The following PLCE1 variants were observed in gnomAD, a reference collection of about 807,000 sequenced individuals.
PLCE1 encodes 1-phosphatidylinositol 4,5-bisphosphate phosphodiesterase epsilon-1.
PLCE1 carries 119 observed loss-of-function variants against 242.8 expected under a neutral mutation model. The ratio of observed to expected loss-of-function variants is 0.49; its 90% confidence interval spans 0.42 to 0.57. PLCE1 has a LOEUF of 0.57. PLCE1 is among the 20% of genes least tolerant of loss of function. The probability of loss-of-function intolerance (pLI) is 0.00; values close to 1 mark genes in which losing one functional copy is unlikely to be tolerated. For synonymous variants in PLCE1, 945 were observed against 1,017.4 expected (o/e 0.93, Z 1.35); for missense variants, 2,441 against 2,788.8 (o/e 0.88, Z 2.81).
intron 2 of PLCE1, among the ~76,000 whole-genome samples, chr10:94,064,258 A>T (rs556635896): frequency 2.0e-5 from 3 of 152,284 alleles, no homozygotes; most frequent in African/African-American, 7.2e-5. Context: ...GACAATTAAG[A>T]GCGTGAGCTT....
intron 13 of PLCE1, among the ~76,000 whole-genome samples, chr10:94,259,740 G>A (rs962258877): frequency 1.3e-5 from 2 of 152,000 alleles, no homozygotes; most frequent in South Asian, 2.1e-4. Flanking sequence ...ACCCTTTCCC[G>A]ACTATATTAG....
intron 1 of PLCE1, among the ~76,000 whole-genome samples, chr10:94,025,486 T>C (rs1311886860): frequency 6.6e-6 from 1 of 152,176 alleles, no homozygotes; most frequent in Non-Finnish European, 1.5e-5. Context: ...GGTCATTGTT[T>C]TTATAATTAC....
At chr10:94,074,119 A>G (rs1268530771) in intron 2 of PLCE1, among the ~76,000 whole-genome samples, 1 of 152,074 alleles carries the variant, frequency 6.6e-6, no homozygotes, top group East Asian at 1.9e-4. Flanking sequence ...TTCTATGGGA[A>G]AACTGGGTCA....
chr10:94,197,782 A>G (rs961650591), intron 4 of PLCE1, among the ~76,000 whole-genome samples: 5 of 152,116 alleles, frequency 3.3e-5, no homozygotes, highest in African/African-American at 9.7e-5. Flanking sequence ...CAGGAGTTCA[A>G]GACCAGCCTG....
chr10:94,269,027 C>A lies in PLCE1; in HGVS notation c.4380C>A (p.Ile1460=). Residue 1460 remains isoleucine, a synonymous_variant, in exon 17 of 33, where the codon ATC becomes ATA. Coordinates refer to ENST00000371380, the MANE Select transcript of PLCE1 (RefSeq NM_016341.4). ...ATGGACATACGCTGACAACCAAGAT[C>A]CCCTTCAAGGTAATCCTTCATAACT... ...IYHGHTLTTK[I]PFKEVVEAID... 6.4e-7 allele frequency: 1 copy of A among 1,565,722 alleles called. No homozygotes were observed. Among genetic ancestry groups the A allele is most frequent in the South Asian group, 1.1e-5 (1 of 90,036 alleles).
chr10:94,280,782 A>T (rs563318014), intron 20 of PLCE1, among the ~76,000 whole-genome samples: 8 of 152,324 alleles, frequency 5.3e-5, no homozygotes, highest in African/African-American at 1.9e-4. Context: ...AAGTTGTCTC[A>T]TGCATTAAGA....
chr10:94,184,744 T>C (rs1311430798), intron 4 of PLCE1, among the ~76,000 whole-genome samples: 4 of 152,218 alleles, frequency 2.6e-5, no homozygotes, highest in Non-Finnish European at 4.4e-5. Flanking sequence ...CCTCTGCAGT[T>C]GTTGTTGCCT....
rs1436211291 is a variant in PLCE1, at chr10:94,265,871, C to G, written c.4194C>G (p.Leu1398=). ...ACATTAAAGAACTGCAGCTACCCCT[C>G]TCATACTATTACATCGAATCTTCGC... is the stretch of plus-strand genomic sequence containing the variant. ...QENIKELQLP[L]SYYYIESSHN... The change falls in exon 16 of 33, where the codon CTC becomes CTG. Residue 1398 remains leucine, a synonymous_variant. Coordinates refer to ENST00000371380, the MANE Select transcript of PLCE1 (RefSeq NM_016341.4). The G allele has an allele frequency of 6.2e-7, 1 of 1,614,066 alleles. No individual in the cohort carries two copies. The highest frequency in any genetic ancestry group is 8.5e-7 in the Non-Finnish European group (1 of 1,179,938).
intron 19 of PLCE1, among the ~76,000 whole-genome samples, chr10:94,277,374 G>A (rs929368553): frequency 2.0e-5 from 3 of 152,054 alleles, no homozygotes; most frequent in Admixed American, 6.6e-5. Context: ...ACCTATATCC[G>A]AGTTACTTTT....
intron 1 of PLCE1, among the ~76,000 whole-genome samples, chr10:94,027,638 G>A (rs1051530126): frequency 2.0e-4 from 30 of 152,072 alleles, no homozygotes; most frequent in African/African-American, 6.8e-4. Flanking sequence ...TGGCTAACAT[G>A]GTGAAACCCC....
chr10:94,101,272 A>G (rs1463795450), intron 2 of PLCE1, among the ~76,000 whole-genome samples: 3 of 152,186 alleles, frequency 2.0e-5, no homozygotes, highest in Non-Finnish European at 2.9e-5. Context: ...ATGAGGACTT[A>G]ATGAAGTCCT....
chr10:93,995,507 A>G (rs963212510), intron 1 of PLCE1, among the ~76,000 whole-genome samples: 5 of 152,162 alleles, frequency 3.3e-5, no homozygotes, highest in Non-Finnish European at 5.9e-5. Context: ...TACTGAAGGC[A>G]TTTGCTGTGG....
chr10:94,157,885 A>G (rs758321195), intron 3 of PLCE1, among the ~76,000 whole-genome samples: 14 of 152,244 alleles, frequency 9.2e-5, no homozygotes, highest in Middle Eastern at 3.4e-3. Flanking sequence ...TGGTTCCATT[A>G]TTTATCTCAG....
At chr10:94,095,256 T>G (rs2045262643) in intron 2 of PLCE1, among the ~76,000 whole-genome samples, 1 of 152,204 alleles carries the variant, frequency 6.6e-6, no homozygotes, top group African/African-American at 2.4e-5. Context: ...CATCGTAGGA[T>G]CCCCTCTGCA....
chr10:94,301,323 G>A (rs1044505421), intron 24 of PLCE1, among the ~76,000 whole-genome samples: 17 of 151,142 alleles, frequency 1.1e-4, no homozygotes, highest in African/African-American at 3.6e-4. Flanking sequence ...CAGCCTGGGC[G>A]ACAAAGTGAG....
At chr10:94,083,756 A>T (rs1447059164) in intron 2 of PLCE1, among the ~76,000 whole-genome samples, 1 of 152,232 alleles carries the variant, frequency 6.6e-6, no homozygotes, top group Non-Finnish European at 1.5e-5. Flanking sequence ...AGTCCCTCAG[A>T]ACTTCAGGAT....
chr10:94,246,850 G>T (rs1235696134), intron 8 of PLCE1, among the ~76,000 whole-genome samples: 3 of 152,134 alleles, frequency 2.0e-5, no homozygotes, highest in Admixed American at 6.5e-5. Flanking sequence ...TGTGGCTCAC[G>T]CCTGTAATCC....
chr10:94,073,811 G>C (rs2044427349), intron 2 of PLCE1, among the ~76,000 whole-genome samples: 1 of 152,210 alleles, frequency 6.6e-6, no homozygotes, highest in Non-Finnish European at 1.5e-5. Context: ...AGGGAAGAAG[G>C]CTTTAATCGG....
At position 94,321,914 on chromosome 10, in the gene PLCE1, A is replaced by C; in HGVS notation, c.6356A>C (p.Lys2119Thr). The stretch of plus-strand genomic sequence containing the variant: ...TTTTAAACATAGAACCTAGAAGAGA[A>C]AAACATTGTTCAAGATGACAAAGAG... The part of the protein sequence containing the change: ...LKTQQENLEE[K>T]NIVQDDKEVI... The change falls in exon 30 of 33, where the codon AAA becomes ACA. Residue 2119 changes from lysine (K) to threonine (T), a missense_variant. Lys to Thr is a moderately conservative substitution (Grantham distance 78). This residue lies in a region of PLCE1 where 310 missense variants were observed against 317.2 expected (regional missense o/e 0.98). Coordinates refer to ENST00000371380, the MANE Select transcript of PLCE1 (RefSeq NM_016341.4). The C allele has an allele frequency of 6.2e-7, 1 of 1,613,438 alleles. No individual in the cohort carries two copies. The highest frequency in any genetic ancestry group is 8.5e-7 in the Non-Finnish European group (1 of 1,179,380).
Sources: gnomAD v4.1 joint callset for allele counts (sites outside exome capture counted in the v4.1 genomes callset) on GRCh38, gnomAD v4.1.1 for gene constraint, gnomAD v4.1.1 regional missense constraint, MANE v1.5 for transcripts, NCBI Gene and HGNC (gene_info 2026-07-23, HGNC 2026-07-21) for gene names.